HACD2: variants seen among roughly 807,000 people sequenced by gnomAD.
HACD2 encodes very-long-chain (3R)-3-hydroxyacyl-CoA dehydratase 2.
Under a neutral mutation model 31.0 loss-of-function variants are expected in HACD2, and 15 were observed. That is an observed-to-expected ratio of 0.48 (90% CI 0.32 to 0.75). HACD2 has a LOEUF of 0.75. Ranked by LOEUF, HACD2 falls within the 30% of genes least tolerant of loss-of-function variation. The pLI is 0.03. For missense variants in HACD2, 283 were observed against 313.0 expected (o/e 0.90, Z 0.72); for synonymous variants, 115 against 122.2 (o/e 0.94, Z 0.39).
chr3:123,583,837 G>A (rs1362451553), intron 1 of HACD2, among the ~76,000 whole-genome samples: 1 of 152,164 alleles, frequency 6.6e-6, no homozygotes, highest in East Asian at 1.9e-4. Context: ...TGGGAGGAAA[G>A]ATTTTCACTG....
chr3:123,584,800 C>T, intron 1 of HACD2, 73 bp downstream of exon 1: 1 of 1,239,734 alleles, frequency 8.1e-7, no homozygotes. Context: ...CCGATCCTAT[C>T]CGCCCCGCCG....
chr3:123,524,471 CA>C (rs776589105), intron 4 of HACD2, among the ~76,000 whole-genome samples: 14 of 152,120 alleles, frequency 9.2e-5, no homozygotes, highest in Non-Finnish European at 2.1e-4. Context: ...TGCAGATAAG[CA>C]CCTAGGGCCC....
rs1236391929 is a variant in HACD2 at position 123,492,552 on chromosome 3, T to C, written c.*2336A>G. 1.3e-5 allele frequency: 2 copies of C among 152,226 alleles called. No homozygotes were observed. The highest frequency in any genetic ancestry group is 4.8e-5 in the African/African-American group (2 of 41,452). The allele number at this position is 152,226 out of a possible 1,614,324, so 9.4% of individuals were successfully genotyped here. On this transcript the variant is annotated 3_prime_UTR_variant, in exon 7 of 7. Coordinates refer to ENST00000383657, the MANE Select transcript of HACD2 (RefSeq NM_198402.5). ...CTGCCATAAGTATTCTAAATGTTGA[T>C]GTACAAAAATACACACTGGGGTTGA...
chr3:123,538,773 C>A (rs1452133475), intron 3 of HACD2, among the ~76,000 whole-genome samples: 1 of 152,178 alleles, frequency 6.6e-6, no homozygotes, highest in African/African-American at 2.4e-5. Context: ...GGTCTTAGGT[C>A]CCCTGGCCTC....
At chr3:123,545,525 A>T (rs1184059159) in intron 3 of HACD2, among the ~76,000 whole-genome samples, 2 of 141,684 alleles carry the variant, frequency 1.4e-5, no homozygotes, top group East Asian at 4.0e-4. Context: ...AAATAAATAA[A>T]TAGAAATAAA....
chr3:123,520,777 T>C (rs1340723499), intron 4 of HACD2, among the ~76,000 whole-genome samples: 2 of 152,336 alleles, frequency 1.3e-5, no homozygotes, highest in East Asian at 3.9e-4. Flanking sequence ...CCACTGATAA[T>C]ACAACTTGAC....
At chr3:123,513,351 T>G (rs1284821530) in intron 4 of HACD2, among the ~76,000 whole-genome samples, 1 of 152,184 alleles carries the variant, frequency 6.6e-6, no homozygotes, top group Non-Finnish European at 1.5e-5. Context: ...GCAGGAGTCA[T>G]TCCCACAAAA....
At chr3:123,549,568 C>T (rs1354710112) in intron 3 of HACD2, among the ~76,000 whole-genome samples, 3 of 152,024 alleles carry the variant, frequency 2.0e-5, no homozygotes, top group Admixed American at 6.6e-5. Flanking sequence ...GACAACATAA[C>T]GAAACCCCGT....
chr3:123,556,875 T>C (rs4594563), intron 3 of HACD2, among the ~76,000 whole-genome samples: 5,867 of 152,108 alleles, frequency 0.039, 699 homozygotes, highest in East Asian at 0.35. Context: ...ATTAGAGAAA[T>C]AAAAATTAAA....
chr3:123,534,713 G>A (rs2056404239), intron 3 of HACD2, among the ~76,000 whole-genome samples: 1 of 151,976 alleles, frequency 6.6e-6, no homozygotes, highest in Non-Finnish European at 1.5e-5. Context: ...ATGTGTGTTA[G>A]TGCCTCCGAA....
chr3:123,503,142 G>A (rs2107682067), intron 4 of HACD2, among the ~76,000 whole-genome samples: 1 of 152,158 alleles, frequency 6.6e-6, no homozygotes, highest in Middle Eastern at 3.4e-3. Context: ...GCGTATGCCT[G>A]TAATCCCAGT....
At chr3:123,528,735 G>A (rs571972864) in intron 3 of HACD2, among the ~76,000 whole-genome samples, 2 of 152,186 alleles carry the variant, frequency 1.3e-5, no homozygotes, top group Admixed American at 6.5e-5. Context: ...CAAAACCACT[G>A]ACCAAGTACA....
At position 123,584,977 on chromosome 3, in the gene HACD2, A is replaced by G. The variant is rs112371142; in HGVS notation, c.51T>C (p.Gly17=). 57,067 of 1,440,484 alleles carry G rather than the reference A, an allele frequency of 0.04. 7,031 individuals carry two copies. The East Asian group carries it at 0.41, about 10-fold the overall frequency. 89.2% of individuals were successfully genotyped at this position (1,440,484 alleles called of 1,614,324 possible). The part of the protein sequence containing the change: ...TAAAKGNGGG[G]GRAGAGDASG... ...TGGCGTCCCCGGCCCCGGCCCTGCC[A>G]CCGCCGCCCCCATTCCCCTTCGCTG... The change falls in exon 1 of 7, where the codon GGT becomes GGC. Residue 17 remains glycine (G), a synonymous_variant. Transcript: ENST00000383657.
At chr3:123,531,524 C>T (rs1291537250) in intron 3 of HACD2, among the ~76,000 whole-genome samples, 1 of 152,026 alleles carries the variant, frequency 6.6e-6, no homozygotes, top group Non-Finnish European at 1.5e-5. Context: ...TTCAGGTCAT[C>T]TGAAACTGAC....
At chr3:123,584,810 G>T (rs1457297201) in intron 1 of HACD2, 63 bp downstream of exon 1, 3 of 1,311,512 alleles carry the variant, frequency 2.3e-6, no homozygotes, top group African/African-American at 1.6e-5. Context: ...CCGCCCCGCC[G>T]CTGGCCGCAG....
chr3:123,567,731 G>A (rs368532933), intron 3 of HACD2, 31 bp downstream of exon 3: 120 of 1,371,738 alleles, frequency 8.7e-5, no homozygotes, highest in Non-Finnish European at 1.1e-4. Context: ...AGAATTCACT[G>A]TACATAGTAG....
intron 2 of HACD2, among the ~76,000 whole-genome samples, chr3:123,574,802 T>C (rs982599393): frequency 6.6e-6 from 1 of 152,198 alleles, no homozygotes; most frequent in Admixed American, 6.5e-5. Flanking sequence ...GTTTGATATA[T>C]ACTCTTCCAT....
chr3:123,506,005 G>A (rs978270803), intron 4 of HACD2, among the ~76,000 whole-genome samples: 3 of 152,224 alleles, frequency 2.0e-5, no homozygotes, highest in African/African-American at 7.2e-5. Context: ...GCTGGCCTGG[G>A]GCGGCCAGGG....
At chr3:123,520,659 C>CT (rs2056202401) in intron 4 of HACD2, among the ~76,000 whole-genome samples, 1 of 152,320 alleles carries the variant, frequency 6.6e-6, no homozygotes, top group East Asian at 1.9e-4. Context: ...TAAAAACTTA[C>CT]TTTTTTGTCT....
Sources: allele counts gnomAD v4.1 joint callset (sites outside exome capture counted in the v4.1 genomes callset), GRCh38; gene constraint gnomAD v4.1.1; transcripts MANE v1.5; gene names NCBI Gene and HGNC (gene_info 2026-07-23, HGNC 2026-07-21).